KBTBD12: variants seen among roughly 807,000 people sequenced by gnomAD.
KBTBD12 encodes the protein kelch repeat and BTB domain-containing protein 12.
Under a neutral mutation model 58.7 loss-of-function variants are expected in KBTBD12, and 53 were observed. That is an observed-to-expected ratio of 0.90 (90% confidence interval 0.72 to 1.14). KBTBD12 has a LOEUF of 1.14. Among genes scored for constraint, KBTBD12 ranks in the 50% most tolerant of loss-of-function variants. KBTBD12 has a pLI of 0.00. For synonymous variants in KBTBD12, 236 were observed against 259.8 expected (o/e 0.91, Z 0.88); for missense variants, 704 against 751.3 (o/e 0.94, Z 0.74).
intron 5 of KBTBD12, among the ~76,000 whole-genome samples, chr3:127,983,237 T>TTAA (rs1940903383): frequency 6.6e-6 from 1 of 152,236 alleles, no homozygotes; most frequent in Non-Finnish European, 1.5e-5. Flanking sequence ...AGTATCTTTA[T>TTAA]TCAGTTGTTA....
intron 4 of KBTBD12, among the ~76,000 whole-genome samples, chr3:127,945,347 G>A (rs928725581): frequency 3.9e-4 from 59 of 151,140 alleles, no homozygotes; most frequent in Admixed American, 2.9e-3. Context: ...ACAATGCCCG[G>A]CTAATTTTTT....
At chr3:127,965,815 A>G (rs577621327) in intron 5 of KBTBD12, among the ~76,000 whole-genome samples, 1 of 152,354 alleles carries the variant, frequency 6.6e-6, no homozygotes, top group African/African-American at 2.4e-5. Context: ...AGACAGGAAA[A>G]TAGCAACAAC....
At position 127,984,528 on chromosome 3, in the gene KBTBD12, C is replaced by A. The variant is rs139581070; in HGVS notation, c.*250C>A. The stretch of plus-strand genomic sequence containing the variant: ...CGGCCACAGGAGGGGCACAGGGCCA[C>A]AGGAGAGCAGCAGAGGGAGGGTCTC... On this transcript the variant is annotated 3_prime_UTR_variant, in exon 6 of 6. Coordinates refer to ENST00000405109, the MANE Select transcript of KBTBD12 (RefSeq NM_207335.4). The A allele has an allele frequency of 3.1e-3, 1,165 of 379,334 alleles. 16 individuals are homozygous for A. Among genetic ancestry groups the A allele is most frequent in the African/African-American group, 0.022 (1,064 of 48,960 alleles). The allele number at this position is 379,334 out of a possible 1,614,324, so 23.5% of individuals were successfully genotyped here. A position where few individuals can be genotyped will look rare whatever the true frequency, so the allele number is the denominator to read the frequency against.
Position 127,923,741 on chromosome 3 carries a change from C to G in KBTBD12, c.680C>G (p.Pro227Arg). The change falls in exon 2 of 6, where the codon CCT becomes CGT. Residue 227 changes from proline to arginine, a missense_variant. Transcript: ENST00000405109. Reference sequence around the variant, plus strand: ...CAAGTCAGATTGGAACTTGTAAATCCTTCTTTTTTAAGACAAGCCCTAAGA... The same window carrying G: ...CAAGTCAGATTGGAACTTGTAAATCGTTCTTTTTTAAGACAAGCCCTAAGA... ...LKQVRLELVN[P>R]SFLRQALRRN... 1 of 1,613,684 alleles carries G rather than the reference C, an allele frequency of 6.2e-7. No homozygotes were observed. Among genetic ancestry groups the G allele is most frequent in the Non-Finnish European group, 8.5e-7 (1 of 1,179,820 alleles).
chr3:127,983,624 G>A (rs1576399537), intron 5 of KBTBD12, among the ~76,000 whole-genome samples: 1 of 152,106 alleles, frequency 6.6e-6, no homozygotes, highest in Non-Finnish European at 1.5e-5. Flanking sequence ...ATGGTGGCAT[G>A]TGCCTGTAAT....
chr3:127,928,613 G>A (rs896864440), intron 3 of KBTBD12, among the ~76,000 whole-genome samples: 4 of 152,198 alleles, frequency 2.6e-5, no homozygotes, highest in Non-Finnish European at 4.4e-5. Context: ...AAAAGTCAGG[G>A]GTGTGTGGCC....
chr3:127,954,788 G>A (rs1940287035), intron 4 of KBTBD12, among the ~76,000 whole-genome samples: 1 of 152,178 alleles, frequency 6.6e-6, no homozygotes, highest in East Asian at 1.9e-4. Context: ...CAGCCACAGG[G>A]ACTGGGGGTC....
Position 127,986,240 on chromosome 3 carries a change from C to T in KBTBD12, c.*1962C>T, listed in dbSNP as rs960276356. 6.6e-6 allele frequency: 1 copy of T among 152,654 alleles called. No homozygotes were observed. Among genetic ancestry groups the T allele is most frequent in the African/African-American group, 2.4e-5 (1 of 41,448 alleles). 9.5% of individuals were successfully genotyped at this position (152,654 alleles called of 1,614,324 possible). ...TTGGGCAAGATGACCTTTCTAAAGC[C>T]TCATTTCCCTCATATGCAGAGTGGG... On this transcript the variant is annotated 3_prime_UTR_variant, in exon 6 of 6. Coordinates refer to ENST00000405109, the MANE Select transcript of KBTBD12 (RefSeq NM_207335.4).
In KBTBD12 at chr3:127,963,273, T is replaced by A. The variant is rs1379328551; in HGVS notation, c.1577T>A (p.Phe526Tyr). The A allele has an allele frequency of 1.9e-6, 3 of 1,612,356 alleles. No individual in the cohort carries two copies. Among genetic ancestry groups the A allele is most frequent in the Admixed American group, 3.3e-5 (2 of 59,834 alleles). ...GAGATCTACAACCCAGATGGGGACT[T>A]TTGGCGAGAGGGCCCTCCCATGCCA... ...VVEIYNPDGD[F>Y]WREGPPMPSP... The change falls in exon 5 of 6, where the codon TTT becomes TAT. Residue 526 changes from phenylalanine to tyrosine, a missense_variant. By Grantham distance (22) the Phe-to-Tyr change is conservative. Transcript: ENST00000405109.
intron 4 of KBTBD12, among the ~76,000 whole-genome samples, chr3:127,941,799 C>A (rs1036426286): frequency 1.3e-5 from 2 of 152,084 alleles, no homozygotes; most frequent in Non-Finnish European, 2.9e-5. Flanking sequence ...GGGGTTTCAC[C>A]ATGTTGGCCA....
chr3:127,958,068 C>A (rs1413758640), intron 4 of KBTBD12, among the ~76,000 whole-genome samples: 1 of 152,118 alleles, frequency 6.6e-6, no homozygotes, highest in Non-Finnish European at 1.5e-5. Flanking sequence ...AGACAAACAG[C>A]CTCCCTTATT....
chr3:127,968,226 C>G (rs944975187), intron 5 of KBTBD12, among the ~76,000 whole-genome samples: 1 of 152,198 alleles, frequency 6.6e-6, no homozygotes, highest in Admixed American at 6.5e-5. Flanking sequence ...AGCAAGCTTA[C>G]TTATAAAATC....
intron 5 of KBTBD12, among the ~76,000 whole-genome samples, chr3:127,983,526 A>G (rs1340248027): frequency 6.6e-6 from 1 of 152,134 alleles, no homozygotes; most frequent in Non-Finnish European, 1.5e-5. Flanking sequence ...AGGCTGAGGC[A>G]GGCAGATCAT....
intron 5 of KBTBD12, 123 bp downstream of exon 5, chr3:127,963,509 G>T: frequency 1.1e-6 from 1 of 946,140 alleles, no homozygotes; most frequent in Non-Finnish European, 1.5e-6. Context: ...ATGGCTTTTA[G>T]AGTCAGGGAC....
intron 4 of KBTBD12, among the ~76,000 whole-genome samples, chr3:127,958,690 A>G (rs1329187457): frequency 6.6e-6 from 1 of 152,212 alleles, no homozygotes; most frequent in East Asian, 1.9e-4. Context: ...AAATGAAGCA[A>G]AATCAAGCTG....
chr3:127,926,826 A>C (rs1396394695), intron 2 of KBTBD12, among the ~76,000 whole-genome samples: 1 of 151,972 alleles, frequency 6.6e-6, no homozygotes, highest in Admixed American at 6.6e-5. Flanking sequence ...GTGTGTGTTT[A>C]ATTTTGAATT....
At chr3:127,954,688 T>C (rs1165338304) in intron 4 of KBTBD12, among the ~76,000 whole-genome samples, 1 of 152,200 alleles carries the variant, frequency 6.6e-6, no homozygotes, top group Non-Finnish European at 1.5e-5. Context: ...AATCTATTTA[T>C]GGAGGCAGTA....
chr3:127,927,637 G>GT, intron 2 of KBTBD12, 127 bp from the exon 3 acceptor site: 2 of 672,068 alleles, frequency 3.0e-6, no homozygotes, highest in Non-Finnish European at 4.7e-6. Flanking sequence ...TTGTATTAAT[G>GT]TTTTTTGTCC....
chr3:127,972,300 A>G (rs1940696487), intron 5 of KBTBD12, among the ~76,000 whole-genome samples: 4 of 152,228 alleles, frequency 2.6e-5, no homozygotes, highest in Admixed American at 2.6e-4. Flanking sequence ...TATTTTTAGC[A>G]GTAGGCTAAA....
Sources: gnomAD v4.1 joint callset for allele counts (sites outside exome capture counted in the v4.1 genomes callset) on GRCh38, gnomAD v4.1.1 for gene constraint, MANE v1.5 for transcripts, NCBI Gene and HGNC (gene_info 2026-07-23, HGNC 2026-07-21) for gene names.